COL6A6: variants seen among roughly 807,000 people sequenced by gnomAD.
COL6A6 encodes the protein collagen alpha-6(VI) chain.
A neutral mutation model predicts 208.6 loss-of-function variants in COL6A6; 183 were observed. That is an observed-to-expected ratio of 0.88 (90% CI 0.78 to 0.99). The LOEUF (loss-of-function observed/expected upper bound fraction) is 0.99, where lower values mean the gene tolerates loss of function less well. Among genes scored for constraint, COL6A6 ranks in the 50% least tolerant of loss-of-function variants. COL6A6 has a pLI of 0.00. For missense variants in COL6A6, 2,816 were observed against 2,815.2 expected (o/e 1.00, Z -0.01); for synonymous variants, 973 against 1,011.8 (o/e 0.96, Z 0.73).
In COL6A6 at chr3:130,591,085, G is replaced by A. The variant is rs1388572180; in HGVS notation, c.4263G>A (p.Glu1421=). ...FKGSEGYLGE[E]GIAGERGAPG... ...GCAGTGAAGGCTACCTGGGAGAGGA[G>A]GGAATCGCTGTAAGTCAGGGCTCTT... is the stretch of plus-strand genomic sequence containing the variant. The change falls in exon 13 of 37, where the codon GAG becomes GAA. Residue 1421 remains glutamate, a synonymous_variant. Coordinates refer to ENST00000358511, the MANE Select transcript of COL6A6 (RefSeq NM_001102608.3). The A allele has an allele frequency of 1.9e-6, 3 of 1,582,424 alleles. No homozygotes were observed. The highest frequency in any genetic ancestry group is 2.6e-6 in the Non-Finnish European group (3 of 1,162,122).
chr3:130,621,948 G>C, intron 24 of COL6A6, 65 bp downstream of exon 24: 1 of 1,338,974 alleles, frequency 7.5e-7, no homozygotes, highest in Non-Finnish European at 1.1e-6. Context: ...GTGTCTAATT[G>C]TATTAGCCAG....
chr3:130,535,389 C>G (rs1285588912), intron 1 of COL6A6, among the ~76,000 whole-genome samples: 1 of 152,048 alleles, frequency 6.6e-6, no homozygotes, highest in African/African-American at 2.4e-5. Flanking sequence ...CTATTTTATG[C>G]TTTTCCTTTT....
chr3:130,622,681 C>T (rs1559761454), intron 24 of COL6A6, among the ~76,000 whole-genome samples: 1 of 151,672 alleles, frequency 6.6e-6, no homozygotes, highest in Non-Finnish European at 1.5e-5. Flanking sequence ...CATGGTGAAA[C>T]CCCATCTCTA....
In COL6A6 at chr3:130,592,625, T is replaced by G. The variant is rs775054753; in HGVS notation, c.4344+13T>G. On this transcript the variant is annotated intron_variant, in intron 14 of 36. Coordinates refer to ENST00000358511, the MANE Select transcript of COL6A6 (RefSeq NM_001102608.3). ...CAAAGGTCCTAAGGTAAGGATTGCA[T>G]AAGAGTGTGGAGTTTTCTCAATATT... 8 of 1,613,114 alleles carry G rather than the reference T, an allele frequency of 5.0e-6. No homozygotes were observed. Among genetic ancestry groups the G allele is most frequent in the Non-Finnish European group, 5.1e-6 (6 of 1,179,324 alleles).
At chr3:130,522,280 CTCA>C (rs1183133638) in intron 1 of COL6A6, among the ~76,000 whole-genome samples, 1 of 152,114 alleles carries the variant, frequency 6.6e-6, no homozygotes, top group East Asian at 1.9e-4. Context: ...ATCCTAAATT[CTCA>C]TCGCCTTTTT....
Position 130,574,311 on chromosome 3 carries a change from T to G in COL6A6, c.3333T>G (p.Asp1111Glu). Residue 1111 changes from aspartate (D) to glutamate (E), a missense_variant, in exon 8 of 37, where the codon GAT becomes GAG. Coordinates refer to ENST00000358511, the MANE Select transcript of COL6A6 (RefSeq NM_001102608.3). ...GTPQVLLVLTDGQSQDEVAQA... is the reference protein window; with the variant it reads ...GTPQVLLVLTEGQSQDEVAQA... ...CACAGGTGCTGCTGGTCCTTACAGA[T>G]GGCCAGTCCCAAGACGAGGTGGCCC... 1 of 1,613,986 alleles carries G rather than the reference T, an allele frequency of 6.2e-7. No homozygotes were observed. Among genetic ancestry groups the G allele is most frequent in the Non-Finnish European group, 8.5e-7 (1 of 1,179,890 alleles).
At chr3:130,635,083 A>T (rs1254156755) in intron 27 of COL6A6, among the ~76,000 whole-genome samples, 1 of 151,942 alleles carries the variant, frequency 6.6e-6, no homozygotes, top group African/African-American at 2.4e-5. Flanking sequence ...AAAAATACAA[A>T]AATTAGCTAG....
In COL6A6 at chr3:130,676,891, T is replaced by C. The variant is rs200090123; in HGVS notation, c.*1494T>C. The C allele has an allele frequency of 2.3e-3, 348 of 152,334 alleles. 1 individual carries two copies. Among genetic ancestry groups the C allele is most frequent in the African/African-American group, 8.2e-3 (340 of 41,582 alleles). The allele number at this position is 152,334 out of a possible 1,614,324, so 9.4% of individuals were successfully genotyped here. On this transcript the variant is annotated 3_prime_UTR_variant, in exon 37 of 37. Transcript: ENST00000358511. ...AAATGTTTCAAGTACAGGAAATTAA[T>C]GAGCAATATTTACAATGTATTTTAA... is the stretch of plus-strand genomic sequence containing the variant.
intron 6 of COL6A6, among the ~76,000 whole-genome samples, chr3:130,570,237 G>T (rs954777699): frequency 3.3e-5 from 5 of 152,064 alleles, no homozygotes. Flanking sequence ...GTGCGAAGTG[G>T]GCTTATTTCT....
At chr3:130,607,086 A>G in intron 21 of COL6A6, 120 bp downstream of exon 21, 1 of 694,408 alleles carries the variant, frequency 1.4e-6, no homozygotes, top group South Asian at 3.2e-5. Flanking sequence ...TATGGAATAG[A>G]AAGCTGAAAA....
intron 33 of COL6A6, among the ~76,000 whole-genome samples, chr3:130,650,811 G>C (rs115397887): frequency 2.9e-4 from 44 of 152,274 alleles, no homozygotes; most frequent in African/African-American, 9.9e-4. Flanking sequence ...AAGAATTTTT[G>C]AAAGGCAATG....
Position 130,563,493 on chromosome 3 carries a change from G to A in COL6A6, c.490G>A (p.Val164Ile). Residue 164 changes from valine (V) to isoleucine (I), a missense_variant, in exon 3 of 37, where the codon GTA becomes ATA. Coordinates refer to ENST00000358511, the MANE Select transcript of COL6A6 (RefSeq NM_001102608.3). ...LRKDGVKIISVGVQKASEENL... is the reference protein window; with the variant it reads ...LRKDGVKIISIGVQKASEENL... ...GAAAGACGGAGTGAAAATCATCTCTGTAGGGGTGCAGAAAGCTTCTGAGGA... is the reference window on the plus strand; with the variant it reads ...GAAAGACGGAGTGAAAATCATCTCTATAGGGGTGCAGAAAGCTTCTGAGGA... 1 of 1,614,016 alleles carries A rather than the reference G, an allele frequency of 6.2e-7. No individual in the cohort carries two copies. Among genetic ancestry groups the A allele is most frequent in the Non-Finnish European group, 8.5e-7 (1 of 1,179,894 alleles).
rs541676787 is a variant in COL6A6 at position 130,598,526 on chromosome 3, A to G, written c.4599+96A>G. 6.3e-5 allele frequency: 52 copies of G among 831,514 alleles called. No individual in the cohort carries two copies. In the African/African-American group the frequency reaches 8.1e-4, roughly 13 times the overall value. 51.5% of individuals were successfully genotyped at this position (831,514 alleles called of 1,614,324 possible). On this transcript the variant is annotated intron_variant, in intron 19 of 36. Transcript: ENST00000358511. ...AATGCTTAACAAAAAAACTGGAATC[A>G]AAGTGGATATACTTGGTACAGAAAA...
chr3:130,640,565 T>C (rs1318421244), intron 28 of COL6A6, among the ~76,000 whole-genome samples: 1 of 152,260 alleles, frequency 6.6e-6, no homozygotes, highest in Non-Finnish European at 1.5e-5. Context: ...TTTACTGTTT[T>C]ATAGGTAATG....
intron 1 of COL6A6, among the ~76,000 whole-genome samples, chr3:130,527,023 T>G (rs1239992479): frequency 6.6e-6 from 1 of 152,104 alleles, no homozygotes; most frequent in African/African-American, 2.4e-5. Context: ...CAGCTCAGAC[T>G]AGAACCCATG....
chr3:130,613,474 T>G (rs1246490116), intron 23 of COL6A6, among the ~76,000 whole-genome samples: 1 of 152,244 alleles, frequency 6.6e-6, no homozygotes, highest in Admixed American at 6.5e-5. Context: ...TCTTTTTGCT[T>G]AGGATTGTCT....
At chr3:130,666,481 T>C (rs2066077730) in intron 36 of COL6A6, among the ~76,000 whole-genome samples, 1 of 152,112 alleles carries the variant, frequency 6.6e-6, no homozygotes, top group African/African-American at 2.4e-5. Flanking sequence ...GTGTACATTA[T>C]ATACATATAT....
intron 7 of COL6A6, among the ~76,000 whole-genome samples, chr3:130,572,155 AT>A (rs2063183902): frequency 6.6e-6 from 1 of 152,150 alleles, no homozygotes; most frequent in African/African-American, 2.4e-5. Context: ...TTCTTTGCTT[AT>A]TTCAATTGTG....
At chr3:130,585,464 C>T (rs765443740) in intron 10 of COL6A6, among the ~76,000 whole-genome samples, 4 of 152,206 alleles carry the variant, frequency 2.6e-5, no homozygotes, top group Non-Finnish European at 5.9e-5. Context: ...AACCATTTCC[C>T]AGGCACACAG....
Sources: gnomAD v4.1 joint callset for allele counts (sites outside exome capture counted in the v4.1 genomes callset) on GRCh38, gnomAD v4.1.1 for gene constraint, MANE v1.5 for transcripts, NCBI Gene and HGNC (gene_info 2026-07-23, HGNC 2026-07-21) for gene names.